The following GPBP1 variants were observed in gnomAD, a reference collection of about 807,000 sequenced individuals.
The protein encoded by GPBP1 is vasculin.
In GPBP1, 13 loss-of-function variants were observed where a neutral mutation model predicts 56.5. The observed-to-expected ratio is 0.23, with a 90% confidence interval of 0.15 to 0.37. GPBP1 has a LOEUF of 0.37. GPBP1 is among the 10% of genes least tolerant of loss of function. The pLI is 1.00. For missense variants in GPBP1, 477 were observed against 572.3 expected, an observed-to-expected ratio of 0.83 and a Z score of 1.70; for synonymous variants, 204 against 188.9, an observed-to-expected ratio of 1.08 and a Z score of -0.66.
At chr5:57,181,957 A>G (rs1222999019) in intron 2 of GPBP1, among the ~76,000 whole-genome samples, 1 of 152,172 alleles carries the variant, frequency 6.6e-6, no homozygotes, top group African/African-American at 2.4e-5. Context: ...ATAACCCTGC[A>G]GATAATTGCT....
rs774911715 is a variant in GPBP1 at position 57,219,407 on chromosome 5, AAAACAAACAAAC to A, written c.63+5218_63+5229del. ...AAAAAAAAAAAAAAAAAAAAAACCA[AAAACAAACAAAC>A]AAAAAAAAAAACAACAAAACCACAC... On this transcript the variant is annotated intron_variant, in intron 3 of 11. Coordinates refer to ENST00000506184, the MANE Select transcript of GPBP1 (RefSeq NM_022913.4). Among the ~76,000 whole-genome samples the A allele has an allele frequency of 0.037, 2,383 of 63,748 alleles. 296 individuals are homozygous for A. In the East Asian group the frequency reaches 0.52, roughly 14 times the overall value. The allele number at this position is 63,748 out of a possible 152,430, so 41.8% of individuals were successfully genotyped here.
chr5:57,256,206 G>T lies in GPBP1; in HGVS notation c.1161-4974G>T, dbSNP rs142358153. On this transcript the variant is annotated intron_variant, in intron 10 of 11. Coordinates refer to ENST00000506184, the MANE Select transcript of GPBP1 (RefSeq NM_022913.4). ...AGGAGGTGAGGTGGCAGTGAGCTGA[G>T]ATCGCACCACTGAACTCTAGCCTGG... is the stretch of plus-strand genomic sequence containing the variant. Among the ~76,000 whole-genome samples, 59 of 152,164 alleles carry T rather than the reference G, an allele frequency of 3.9e-4. 1 individual carries two copies. The highest frequency in any genetic ancestry group is 1.3e-3 in the African/African-American group (55 of 41,504).
At chr5:57,230,744 A>T in intron 3 of GPBP1, 102 bp from the exon 4 acceptor site, 1 of 968,080 alleles carries the variant, frequency 1.0e-6, no homozygotes, top group Non-Finnish European at 1.6e-6. Flanking sequence ...TGTTTTTCTT[A>T]ATCATTTAAA....
intron 6 of GPBP1, among the ~76,000 whole-genome samples, chr5:57,243,392 ACGG>A (rs1257035032): frequency 1.5e-4 from 23 of 152,032 alleles, no homozygotes; most frequent in African/African-American, 5.5e-4. Flanking sequence ...AAGCACAATA[ACGG>A]TATATCCCTC....
At chr5:57,177,446 ATTTCAATTAATTGTC>A (rs1260496329) in intron 2 of GPBP1, among the ~76,000 whole-genome samples, 1 of 151,966 alleles carries the variant, frequency 6.6e-6, no homozygotes, top group South Asian at 2.1e-4. Flanking sequence ...ATTAGAGGGT[ATTTCAATTAATTGTC>A]TTTCTGAGAC....
intron 6 of GPBP1, chr5:57,245,628 A>C (rs1273307421): frequency 6.6e-6 from 1 of 152,216 alleles, no homozygotes; most frequent in Non-Finnish European, 1.5e-5. Context: ...TATAGGAATA[A>C]TAGGTATTTT....
chr5:57,208,406 TTA>T (rs1046594844), intron 2 of GPBP1, among the ~76,000 whole-genome samples: 23 of 152,102 alleles, frequency 1.5e-4, no homozygotes, highest in African/African-American at 4.8e-4. Flanking sequence ...GCTGATTTTT[TTA>T]TTTTTAGTAG....
chr5:57,222,141 C>T (rs189221237), intron 3 of GPBP1, among the ~76,000 whole-genome samples: 3 of 151,894 alleles, frequency 2.0e-5, no homozygotes, highest in Admixed American at 2.0e-4. Context: ...CTGTACCTGG[C>T]CTTAAAACTA....
intron 6 of GPBP1, among the ~76,000 whole-genome samples, chr5:57,239,066 T>G (rs1740686629): frequency 6.6e-6 from 1 of 152,224 alleles, no homozygotes; most frequent in Non-Finnish European, 1.5e-5. Flanking sequence ...GAAGGGAAAA[T>G]TCTTCGTTGG....
rs538471383 is a variant in GPBP1 at position 57,257,867 on chromosome 5, A to G, written c.1161-3313A>G. ...TGTAAAGACATGGTTAGAATGGTGT[A>G]TATACCTAGTTTGTTTTAAGGGTGT... is the stretch of plus-strand genomic sequence containing the variant. On this transcript the variant is annotated intron_variant, in intron 10 of 11. Transcript: ENST00000506184. Among the ~76,000 whole-genome samples the G allele has an allele frequency of 7.2e-5, 11 of 152,336 alleles. No individual in the cohort carries two copies. In the South Asian group the frequency reaches 1.9e-3, roughly 26 times the overall value.
At chr5:57,242,155 C>T (rs1006687751) in intron 6 of GPBP1, among the ~76,000 whole-genome samples, 16 of 152,120 alleles carry the variant, frequency 1.1e-4, no homozygotes, top group Non-Finnish European at 1.9e-4. Context: ...TTTTCTTTTT[C>T]TTACTCTTAC....
At chr5:57,174,789 A>T (rs571751503) in intron 1 of GPBP1, among the ~76,000 whole-genome samples, 1 of 152,294 alleles carries the variant, frequency 6.6e-6, no homozygotes, top group African/African-American at 2.4e-5. Flanking sequence ...AGGGCCCTGT[A>T]CCTTCCACCC....
intron 2 of GPBP1, among the ~76,000 whole-genome samples, chr5:57,190,896 C>T (rs747644139): frequency 4.0e-5 from 6 of 151,256 alleles, no homozygotes; most frequent in African/African-American, 1.5e-4. Flanking sequence ...TTGGTAGAGA[C>T]GGGGTTTTGC....
intron 2 of GPBP1, among the ~76,000 whole-genome samples, chr5:57,186,184 G>T (rs908763212): frequency 2.7e-5 from 4 of 150,498 alleles, no homozygotes; most frequent in African/African-American, 4.9e-5. Context: ...ATCCTTTTAC[G>T]CTGGAAGTTC....
At chr5:57,182,442 G>A (rs1173533473) in intron 2 of GPBP1, among the ~76,000 whole-genome samples, 3 of 151,812 alleles carry the variant, frequency 2.0e-5, no homozygotes, top group Admixed American at 6.6e-5. Flanking sequence ...GTGCGATCTC[G>A]GTTCACTGCA....
chr5:57,181,940 T>C (rs1033648658), intron 2 of GPBP1, among the ~76,000 whole-genome samples: 1 of 152,220 alleles, frequency 6.6e-6, no homozygotes, highest in Non-Finnish European at 1.5e-5. Context: ...GTTAACAGAT[T>C]TGCTGTATAA....
intron 2 of GPBP1, among the ~76,000 whole-genome samples, chr5:57,204,498 G>A (rs185312302): frequency 2.0e-5 from 3 of 152,158 alleles, no homozygotes; most frequent in Admixed American, 1.3e-4. Context: ...GCGATACCCC[G>A]ACCTGGGCCT....
At chr5:57,196,111 G>T (rs1388528813) in intron 2 of GPBP1, among the ~76,000 whole-genome samples, 1 of 150,772 alleles carries the variant, frequency 6.6e-6, no homozygotes, top group Non-Finnish European at 1.5e-5. Flanking sequence ...CTTCTTGTCA[G>T]TGTTTTCTAT....
chr5:57,190,832 G>T (rs1020755171), intron 2 of GPBP1, among the ~76,000 whole-genome samples: 2 of 149,164 alleles, frequency 1.3e-5, no homozygotes, highest in African/African-American at 4.9e-5. Flanking sequence ...TCAGCCTTCT[G>T]AGTAGCTGGG....
Sources: allele counts gnomAD v4.1 joint callset (sites outside exome capture counted in the v4.1 genomes callset), GRCh38; gene constraint gnomAD v4.1.1; transcripts MANE v1.5; gene names NCBI Gene and HGNC (gene_info 2026-07-23, HGNC 2026-07-21).